Variants in EIF4G3 observed in about 807,000 individuals in gnomAD.
EIF4G3 encodes eukaryotic translation initiation factor 4 gamma 3.
EIF4G3 carries 34 observed loss-of-function variants against 186.4 expected under a neutral mutation model. The observed-to-expected ratio is 0.18, with a 90% CI of 0.14 to 0.24. The LOEUF (loss-of-function observed/expected upper bound fraction) is 0.24, where lower values mean the gene tolerates loss of function less well. EIF4G3 is among the 10% of genes least tolerant of loss of function. The pLI is 1.00. For missense variants in EIF4G3, 1,536 were observed against 1,948.5 expected (o/e 0.79, Z 3.99); for synonymous variants, 673 against 679.5 (o/e 0.99, Z 0.15).
intron 18 of EIF4G3, among the ~76,000 whole-genome samples, chr1:20,891,616 CAAAAAAAA>C (rs11343165): frequency 2.4e-5 from 2 of 81,660 alleles, no homozygotes; most frequent in African/African-American, 1.0e-4. Flanking sequence ...ACTAAAAATA[CAAAAAAAA>C]AAAAAAAAAA....
intron 14 of EIF4G3, among the ~76,000 whole-genome samples, chr1:20,907,158 G>A (rs1193319285): frequency 6.6e-6 from 1 of 152,092 alleles, no homozygotes; most frequent in Non-Finnish European, 1.5e-5. Context: ...CTAGGCAAAG[G>A]CAGTATTATT....
At chr1:20,945,608 T>C (rs907102662) in intron 13 of EIF4G3, among the ~76,000 whole-genome samples, 1 of 152,028 alleles carries the variant, frequency 6.6e-6, no homozygotes, top group African/African-American at 2.4e-5. Context: ...TGAGACCACA[T>C]GTACGAGCCA....
chr1:20,981,077 G>A lies in EIF4G3; in HGVS notation c.349C>T (p.Pro117Ser). ...GGTATACAGTACTGAGGCCCCTGGG[G>A]CACTGGGTACGGCATGGGCAGATGG... ...VNHLPMPYPV[P>S]QGPQYCIPQY... The change falls in exon 9 of 37, where the codon CCC becomes TCC. Residue 117 changes from proline to serine, a missense_variant. By Grantham distance (74) the Pro-to-Ser change is moderately conservative (BLOSUM62 -1). This residue lies in a region of EIF4G3 where 194 missense variants were observed against 212.8 expected (regional missense o/e 0.91). Transcript: ENST00000602326. The A allele has an allele frequency of 6.2e-7, 1 of 1,612,186 alleles. No individual in the cohort carries two copies.
At chr1:20,857,649 A>G (rs1359383609) in intron 24 of EIF4G3, 152 bp from the exon 25 acceptor site, 3 of 711,934 alleles carry the variant, frequency 4.2e-6, no homozygotes, top group Non-Finnish European at 7.3e-6. Flanking sequence ...GCAGGAAAAT[A>G]TAAGCAGAAG....
Position 20,849,427 on chromosome 1 carries a change from A to C in EIF4G3, c.3876T>G (p.Ile1292Met), listed in dbSNP as rs752839879. 1 of 1,518,396 alleles carries C rather than the reference A, an allele frequency of 6.6e-7. No homozygotes were observed. The highest frequency in any genetic ancestry group is 2.1e-5 in the Admixed American group (1 of 46,988). 94.1% of individuals were successfully genotyped at this position (1,518,396 alleles called of 1,614,324 possible). Residue 1292 changes from isoleucine (I) to methionine (M), a missense_variant, in exon 29 of 37, where the codon ATT (isoleucine) becomes ATG (methionine). Around this residue, in one of 11 missense-constraint regions of EIF4G3, gnomAD observed 395 missense variants for 498.9 expected, o/e 0.79. Transcript: ENST00000602326. ...TAATCTCATTTACCTTAAAATCATT[A>C]ATGTGTAGAAATTCATCAATGATAG... ...SKSIIDEFLH[I>M]NDFKEAMQCV...
At chr1:20,893,959 A>G (rs2087003035) in intron 17 of EIF4G3, among the ~76,000 whole-genome samples, 1 of 150,674 alleles carries the variant, frequency 6.6e-6, no homozygotes, top group Admixed American at 6.7e-5. Flanking sequence ...GAGATCCTCT[A>G]TACTAGGGTC....
Position 20,810,633 on chromosome 1 carries a change from T to C in EIF4G3, c.4744+105A>G. On this transcript the variant is annotated intron_variant, in intron 36 of 36. Transcript: ENST00000602326. This position sits in a 1 kb window ranked among gnomAD's most constrained non-coding sequence, Gnocchi z 4.1. ...TAGTTATATGAGTTTGTGTTATTAG[T>C]GATTCTTTTATTGTCCTTTGTTCGA... 1 of 1,307,052 alleles carries C rather than the reference T, an allele frequency of 7.7e-7. No individual in the cohort carries two copies. Among genetic ancestry groups the C allele is most frequent in the Non-Finnish European group, 1.1e-6 (1 of 933,658 alleles). 81.0% of individuals were successfully genotyped at this position (1,307,052 alleles called of 1,614,324 possible).
chr1:20,813,117 G>A, intron 35 of EIF4G3, 41 bp downstream of exon 35: 1 of 1,346,290 alleles, frequency 7.4e-7, no homozygotes, highest in Non-Finnish European at 1.1e-6. Flanking sequence ...ACATAATGGG[G>A]ATTTCAGATG....
At chr1:21,030,838 G>C (rs926013117) in intron 4 of EIF4G3, among the ~76,000 whole-genome samples, 7 of 152,164 alleles carry the variant, frequency 4.6e-5, no homozygotes, top group African/African-American at 1.7e-4. Flanking sequence ...TGTCCATATA[G>C]ATTGCTGAAT....
chr1:21,077,214 T>C (rs531207767), intron 3 of EIF4G3, among the ~76,000 whole-genome samples: 2 of 152,130 alleles, frequency 1.3e-5, no homozygotes, highest in African/African-American at 2.4e-5. Flanking sequence ...CTGGGCAACA[T>C]AGTGTGACCC....
At chr1:20,906,842 A>G (rs2092259038) in intron 14 of EIF4G3, among the ~76,000 whole-genome samples, 1 of 151,944 alleles carries the variant, frequency 6.6e-6, no homozygotes, top group Non-Finnish European at 1.5e-5. Context: ...AAACACACAC[A>G]CACCCCTAAT....
rs1486428646 is a variant in EIF4G3, at chr1:20,826,189, CAG to C, written c.4270-993_4270-992del. ...TAGTTATTATTATTAATTTTTGAGA[CAG>C]AGTCTCTCTCTGTAGCTCAGGTTGA... On this transcript the variant is annotated intron_variant, in intron 32 of 36. Coordinates refer to ENST00000602326, the MANE Select transcript of EIF4G3 (RefSeq NM_001391906.1). Among the ~76,000 whole-genome samples, 4 of 152,256 alleles carry C rather than the reference CAG, an allele frequency of 2.6e-5. No individual in the cohort carries two copies. The East Asian group carries it at 7.7e-4, about 29-fold the overall frequency.
chr1:20,809,525 A>G (rs1483269900), intron 36 of EIF4G3, among the ~76,000 whole-genome samples: 1 of 152,236 alleles, frequency 6.6e-6, no homozygotes, highest in African/African-American at 2.4e-5. Context: ...ACCAAGTATC[A>G]CTAAGACTTA....
At chr1:20,951,760 G>GA (rs2096231718) in intron 12 of EIF4G3, among the ~76,000 whole-genome samples, 1 of 151,200 alleles carries the variant, frequency 6.6e-6, no homozygotes, top group Admixed American at 6.6e-5. Flanking sequence ...AAAGGGGGGG[G>GA]CAGGGTAAGT....
intron 14 of EIF4G3, among the ~76,000 whole-genome samples, chr1:20,919,704 A>ACAAAGCCTATGATCTGGCATGTTTCTC (rs1183750610): frequency 6.6e-6 from 1 of 152,230 alleles, no homozygotes; most frequent in Admixed American, 6.5e-5. Flanking sequence ...CACAGCGTCT[A>ACAAAGCCTATGATCTGGCATGTTTCTC]CAAAGCCTAT....
At position 21,068,498 on chromosome 1, in the gene EIF4G3, A is replaced by G. The variant is rs192526643; in HGVS notation, c.-195-17504T>C. Among the ~76,000 whole-genome samples, 47 of 151,980 alleles carry G rather than the reference A, an allele frequency of 3.1e-4. No homozygotes were observed. In the East Asian group the frequency reaches 8.5e-3, roughly 27 times the overall value. ...TCCTTTGTTGTAAATAAAGGTTGTC[A>G]TAAGTATTAAATAATATCATGAATG... is the stretch of plus-strand genomic sequence containing the variant. On this transcript the variant is annotated intron_variant, in intron 3 of 36. Coordinates refer to ENST00000602326, the MANE Select transcript of EIF4G3 (RefSeq NM_001391906.1).
intron 4 of EIF4G3, among the ~76,000 whole-genome samples, chr1:21,041,673 A>G (rs1025186446): frequency 8.5e-5 from 13 of 152,258 alleles, no homozygotes; most frequent in African/African-American, 2.9e-4. Flanking sequence ...TATGTTTTAC[A>G]TGAAAAGTAT....
intron 12 of EIF4G3, among the ~76,000 whole-genome samples, chr1:20,952,859 G>GCAAACAAACAAA (rs71014132): frequency 3.4e-4 from 52 of 151,104 alleles, no homozygotes; most frequent in Middle Eastern, 6.8e-3. Context: ...TCGAAAACAA[G>GCAAACAAACAAA]CAAACAAACA....
At chr1:21,013,987 T>C (rs2088025183) in intron 4 of EIF4G3, among the ~76,000 whole-genome samples, 1 of 152,160 alleles carries the variant, frequency 6.6e-6, no homozygotes, top group African/African-American at 2.4e-5. Flanking sequence ...CTGGCCTACA[T>C]GGTGAAACTC....
Sources: allele counts gnomAD v4.1 joint callset (sites outside exome capture counted in the v4.1 genomes callset), GRCh38; gene constraint gnomAD v4.1.1; regional missense constraint gnomAD v4.1.1; non-coding constraint Gnocchi (gnomAD v3.1); transcripts MANE v1.5; gene names NCBI Gene and HGNC (gene_info 2026-07-23, HGNC 2026-07-21).